SLF2: variants seen among roughly 807,000 people sequenced by gnomAD.
SLF2 encodes SMC5-SMC6 complex localization factor protein 2.
A neutral mutation model predicts 124.3 loss-of-function variants in SLF2; 68 were observed. That is an observed-to-expected ratio of 0.55 (90% confidence interval 0.45 to 0.67). SLF2 has a LOEUF of 0.67. SLF2 is among the 30% of genes least tolerant of loss of function. The pLI is 0.00. For synonymous variants in SLF2, 480 were observed against 478.8 expected, an observed-to-expected ratio of 1.00 and a Z score of -0.03; for missense variants, 1,246 against 1,373.7, an observed-to-expected ratio of 0.91 and a Z score of 1.47.
rs547432564 is a variant in SLF2 at position 100,953,699 on chromosome 10, C to CTGAA, written c.3331-2751_3331-2748dup. ...AGACAGTCTTGCTCTGTCACCCAGG[C>CTGAA]TGAAGTGCAGTGGCACGATCTCAGC... On this transcript the variant is annotated intron_variant, in intron 17 of 19. Transcript: ENST00000238961. Among the ~76,000 whole-genome samples, 3 of 152,104 alleles carry CTGAA rather than the reference C, an allele frequency of 2.0e-5. No individual in the cohort carries two copies. In the South Asian group the frequency reaches 6.2e-4, roughly 32 times the overall value.
At chr10:100,925,343 G>A (rs1225950732) in intron 5 of SLF2, among the ~76,000 whole-genome samples, 2 of 152,170 alleles carry the variant, frequency 1.3e-5, no homozygotes, top group African/African-American at 2.4e-5. Context: ...TAGAAGTGAC[G>A]TAGAAGTTAC....
At chr10:100,936,801 A>G (rs999747694) in intron 9 of SLF2, among the ~76,000 whole-genome samples, 3 of 151,934 alleles carry the variant, frequency 2.0e-5, no homozygotes, top group South Asian at 2.1e-4. Flanking sequence ...GTCATGCTGT[A>G]TACTAAAAAG....
At chr10:100,947,735 A>G in intron 14 of SLF2, 25 bp from the exon 15 acceptor site, 1 of 1,514,604 alleles carries the variant, frequency 6.6e-7, no homozygotes, top group Non-Finnish European at 9.1e-7. Context: ...AATACATTCT[A>G]AATACTTTTA....
chr10:100,930,885 T>A, intron 8 of SLF2, 91 bp from the exon 9 acceptor site: 1 of 970,922 alleles, frequency 1.0e-6, no homozygotes, highest in South Asian at 1.4e-5. Context: ...GCTTGCTCAT[T>A]TCTCTGATTA....
intron 17 of SLF2, among the ~76,000 whole-genome samples, chr10:100,954,911 A>C (rs1850296569): frequency 2.0e-5 from 3 of 150,108 alleles, no homozygotes; most frequent in African/African-American, 7.4e-5. Flanking sequence ...CCACCATTGC[A>C]CTCCAGCCTG....
At chr10:100,923,947 C>T in intron 4 of SLF2, 28 bp from the exon 5 acceptor site, 2 of 1,468,158 alleles carry the variant, frequency 1.4e-6, no homozygotes, top group African/African-American at 1.4e-5. Flanking sequence ...GTATATTTTT[C>T]ACTAATCTAA....
Position 100,916,886 on chromosome 10 carries a change from A to G in SLF2, c.501A>G (p.Lys167=), listed in dbSNP as rs753991799. The G allele has an allele frequency of 1.9e-6, 3 of 1,614,094 alleles. No individual in the cohort carries two copies. Among genetic ancestry groups the G allele is most frequent in the East Asian group, 2.2e-5 (1 of 44,898 alleles). ...LPKEMKSLKK[K]HRSPERRKSL... ...AGGAGATGAAGTCACTAAAGAAAAA[A>G]CATCGATCCCCAGAGAGAAGGAAGT... Residue 167 remains lysine, a synonymous_variant, in exon 3 of 20, where the codon AAA becomes AAG. Transcript: ENST00000238961.
At chr10:100,959,360 AGTGTT>A (rs1453039104) in intron 18 of SLF2, 63 bp from the exon 19 acceptor site, 12 of 1,388,334 alleles carry the variant, frequency 8.6e-6, no homozygotes, top group Non-Finnish European at 1.1e-5. Flanking sequence ...TATTTTGTGT[AGTGTT>A]AAGCTGATTG....
intron 11 of SLF2, among the ~76,000 whole-genome samples, chr10:100,942,495 C>T (rs1401160960): frequency 6.6e-6 from 1 of 152,066 alleles, no homozygotes; most frequent in African/African-American, 2.4e-5. Flanking sequence ...ACCTTCCCAT[C>T]ATTTTTTTTT....
chr10:100,952,030 G>T (rs767216744), intron 17 of SLF2, among the ~76,000 whole-genome samples: 3 of 152,146 alleles, frequency 2.0e-5, no homozygotes, highest in Non-Finnish European at 4.4e-5. Context: ...GATCACTTGA[G>T]GTCAGAAGTT....
At chr10:100,933,184 C>T (rs1849778923) in intron 9 of SLF2, among the ~76,000 whole-genome samples, 2 of 152,284 alleles carry the variant, frequency 1.3e-5, no homozygotes, top group South Asian at 4.1e-4. Context: ...CTTAAACCTC[C>T]AAGTAAGACT....
intron 17 of SLF2, among the ~76,000 whole-genome samples, chr10:100,953,756 G>A (rs1366685475): frequency 6.6e-6 from 1 of 151,996 alleles, no homozygotes; most frequent in South Asian, 2.1e-4. Context: ...GGGTTCAAGT[G>A]ATTCTCCTGC....
Position 100,924,343 on chromosome 10 carries a change from T to C in SLF2, c.1342T>C (p.Ser448Pro). The part of the protein sequence containing the change: ...KPHLPLSQEK[S>P]AIKKASNLQK... ...CCACTTACCTTTATCTCAGGAAAAG[T>C]CTGCAATTAAAAAAGCTAGCAACCT... is the stretch of plus-strand genomic sequence containing the variant. The change falls in exon 5 of 20, where the codon TCT becomes CCT. Residue 448 changes from serine to proline, a missense_variant. Physicochemically the swap from Ser to Pro is moderately conservative, Grantham distance 74 (BLOSUM62 -1). Around this residue, in one of 3 missense-constraint regions of SLF2, gnomAD observed 698 missense variants for 708.9 expected, o/e 0.98. Coordinates refer to ENST00000238961, the MANE Select transcript of SLF2 (RefSeq NM_018121.4). The C allele has an allele frequency of 6.2e-7, 1 of 1,613,814 alleles. No individual in the cohort carries two copies. The highest frequency in any genetic ancestry group is 8.5e-7 in the Non-Finnish European group (1 of 1,179,950).
At chr10:100,928,043 C>CACACACA (rs1417046471) in intron 6 of SLF2, among the ~76,000 whole-genome samples, 2 of 34,522 alleles carry the variant, frequency 5.8e-5, no homozygotes, top group African/African-American at 2.1e-4. Flanking sequence ...CCCCCCCCCC[C>CACACACA]CCCACACACA....
rs181182450 is a variant in SLF2, at chr10:100,963,161, G to A, written c.*1249G>A. 5.7e-4 allele frequency: 87 copies of A among 152,652 alleles called. No homozygotes were observed. The highest frequency in any genetic ancestry group is 1.8e-3 in the African/African-American group (75 of 41,542). 9.5% of individuals were successfully genotyped at this position (152,652 alleles called of 1,614,324 possible). A position where few individuals can be genotyped will look rare whatever the true frequency, so the allele number is the denominator to read the frequency against. ...AGTGCTCTAGTGTCTCCAGTTGTGGGGGGGAAAGATGATGGAGGGGAACAG... is the reference window on the plus strand; with the variant it reads ...AGTGCTCTAGTGTCTCCAGTTGTGGAGGGGAAAGATGATGGAGGGGAACAG... On this transcript the variant is annotated 3_prime_UTR_variant, in exon 20 of 20. Transcript: ENST00000238961.
In SLF2 at chr10:100,950,737, T is replaced by C; in HGVS notation, c.3314T>C (p.Phe1105Ser). The C allele has an allele frequency of 6.2e-7, 1 of 1,613,988 alleles. No homozygotes were observed. The highest frequency in any genetic ancestry group is 8.5e-7 in the Non-Finnish European group (1 of 1,179,888). The change falls in exon 17 of 20, where the codon TTT (phenylalanine) becomes TCT (serine). Residue 1105 changes from phenylalanine (F) to serine (S), a missense_variant. Physicochemically the swap from Phe to Ser is radical, Grantham distance 155 (BLOSUM62 -2). Around this residue, in one of 3 missense-constraint regions of SLF2, gnomAD observed 535 missense variants for 632.8 expected, o/e 0.85. Transcript: ENST00000238961. ...GGTGAAGTTAGTTGTTCTCATTCTT[T>C]TTCTTCTGGACAACGGGTAGGTAGT... Reference protein sequence around the residue: ...LVGEVSCSHSFSSGQRKHFVL... With the variant: ...LVGEVSCSHSSSSGQRKHFVL...
chr10:100,938,864 T>C lies in SLF2; in HGVS notation c.2654+128T>C, dbSNP rs960279349. On this transcript the variant is annotated intron_variant, in intron 11 of 19. Coordinates refer to ENST00000238961, the MANE Select transcript of SLF2 (RefSeq NM_018121.4). ...TCTCAAAGTTGAGATCAATCTTGAA[T>C]TAGATACATTTTTAACATGTCTTAA... is the stretch of plus-strand genomic sequence containing the variant. The C allele has an allele frequency of 1.9e-4, 158 of 822,360 alleles. No homozygotes were observed. The African/African-American group carries it at 2.6e-3, about 14-fold the overall frequency. 50.9% of individuals were successfully genotyped at this position (822,360 alleles called of 1,614,324 possible). A position where few individuals can be genotyped will look rare whatever the true frequency, so the allele number is the denominator to read the frequency against.
intron 9 of SLF2, among the ~76,000 whole-genome samples, chr10:100,934,384 C>T (rs1235422607): frequency 1.3e-5 from 2 of 152,098 alleles, no homozygotes; most frequent in Non-Finnish European, 2.9e-5. Context: ...TATTTCCCAC[C>T]GTGGAATTTT....
chr10:100,930,962 C>T lies in SLF2; in HGVS notation c.2334-14C>T. 2 of 1,605,552 alleles carry T rather than the reference C, an allele frequency of 1.2e-6. No individual in the cohort carries two copies. The highest frequency in any genetic ancestry group is 2.2e-5 in the South Asian group (2 of 90,678). ...GAAGTTAATAGCCATGTTGATTTTA[C>T]TTTATTTTTTCAGATCGGGAAAAAC... On this transcript the variant is annotated splice_polypyrimidine_tract_variant and intron_variant, in intron 8 of 19. Coordinates refer to ENST00000238961, the MANE Select transcript of SLF2 (RefSeq NM_018121.4).
Sources: gnomAD v4.1 joint callset for allele counts (sites outside exome capture counted in the v4.1 genomes callset) on GRCh38, gnomAD v4.1.1 for gene constraint, gnomAD v4.1.1 regional missense constraint, MANE v1.5 for transcripts, NCBI Gene and HGNC (gene_info 2026-07-23, HGNC 2026-07-21) for gene names.